COL4A2: variants seen among roughly 807,000 people sequenced by gnomAD.
The protein encoded by COL4A2 is collagen alpha-2(IV) chain.
A neutral mutation model predicts 200.2 loss-of-function variants in COL4A2; 99 were observed. The ratio of observed to expected loss-of-function variants is 0.49; its 90% CI spans 0.42 to 0.58. The LOEUF (loss-of-function observed/expected upper bound fraction) is 0.58. Ranked by LOEUF, COL4A2 falls within the 20% of genes least tolerant of loss-of-function variation. The pLI, the probability that COL4A2 is intolerant of heterozygous loss-of-function variation, is 0.00. For synonymous variants in COL4A2, 897 were observed against 900.6 expected, an observed-to-expected ratio of 1.00 and a Z score of 0.07; for missense variants, 1,950 against 2,314.1, an observed-to-expected ratio of 0.84 and a Z score of 3.23.
At chr13:110,506,373 G>A (rs1426701555) in intron 45 of COL4A2, 42 bp from the exon 46 acceptor site, 2 of 1,574,388 alleles carry the variant, frequency 1.3e-6, no homozygotes, top group Non-Finnish European at 1.7e-6. Context: ...TCGGGCTGCA[G>A]GTGCACCAGG....
At position 110,430,004 on chromosome 13, in the gene COL4A2, T is replaced by C. The variant is rs754205667; in HGVS notation, c.549+48T>C. 11 of 1,509,908 alleles carry C rather than the reference T, an allele frequency of 7.3e-6. No homozygotes were observed. The African/African-American group carries it at 1.1e-4, about 16-fold the overall frequency. 93.5% of individuals were successfully genotyped at this position (1,509,908 alleles called of 1,614,324 possible). ...GGGTAATGAAGGGACCCAGTGTAAA[T>C]TCTCAACTAACAAAGTTAATTGCCA... On this transcript the variant is annotated intron_variant, in intron 8 of 47. Transcript: ENST00000360467.
chr13:110,437,959 C>T, intron 13 of COL4A2, 43 bp from the exon 14 acceptor site: 2 of 1,545,194 alleles, frequency 1.3e-6, no homozygotes, highest in Non-Finnish European at 1.8e-6. Context: ...CCATTACCAT[C>T]CTCAAATTAA....
At chr13:110,420,156 G>A (rs1178896475) in intron 4 of COL4A2, among the ~76,000 whole-genome samples, 1 of 152,236 alleles carries the variant, frequency 6.6e-6, no homozygotes, top group Middle Eastern at 3.4e-3. Context: ...GAGCAGTAAG[G>A]GCCTGGTGGA....
chr13:110,437,928 T>C (rs1594213647), intron 13 of COL4A2, 74 bp from the exon 14 acceptor site: 2 of 1,196,152 alleles, frequency 1.7e-6, no homozygotes, highest in East Asian at 4.7e-5. Context: ...GCTCATGTCA[T>C]GAACCCTGAT....
chr13:110,324,168 C>G (rs1178407821), intron 3 of COL4A2, among the ~76,000 whole-genome samples: 1 of 152,136 alleles, frequency 6.6e-6, no homozygotes, highest in Non-Finnish European at 1.5e-5. Flanking sequence ...AGTGAGCAGT[C>G]TATGAGCTGA....
At chr13:110,325,929 G>A (rs796951439) in intron 3 of COL4A2, among the ~76,000 whole-genome samples, 17 of 152,122 alleles carry the variant, frequency 1.1e-4, no homozygotes, top group African/African-American at 3.4e-4. Context: ...GACTACAGGC[G>A]TGCGTCACCA....
chr13:110,327,079 C>T (rs181946555), intron 3 of COL4A2, among the ~76,000 whole-genome samples: 138 of 152,290 alleles, frequency 9.1e-4, no homozygotes, highest in Middle Eastern at 3.4e-3. Flanking sequence ...CACCCCAGCC[C>T]TGTGGTTGCT....
At chr13:110,482,422 G>C in intron 31 of COL4A2, 94 bp from the exon 32 acceptor site, 2 of 1,371,112 alleles carry the variant, frequency 1.5e-6, no homozygotes, top group Non-Finnish European at 2.0e-6. Flanking sequence ...TCTCACTTGA[G>C]TTACATTGCC....
intron 4 of COL4A2, among the ~76,000 whole-genome samples, chr13:110,393,941 A>G (rs1836608046): frequency 6.6e-6 from 1 of 152,134 alleles, no homozygotes; most frequent in Non-Finnish European, 1.5e-5. Context: ...TGCCCAAAAC[A>G]TTACTGTAGG....
At chr13:110,380,272 C>T (rs1297315589) in intron 4 of COL4A2, among the ~76,000 whole-genome samples, 2 of 152,070 alleles carry the variant, frequency 1.3e-5, no homozygotes, top group South Asian at 2.1e-4. Context: ...AGGGGAGGGT[C>T]GAACAGAGAA....
At position 110,367,047 on chromosome 13, in the gene COL4A2, C is replaced by T. The variant is rs576765966; in HGVS notation, c.180+9495C>T. ...ATCAAAACACCCCTGTCCCTTTCCTCTCTGTGTCCAGCCTAGAGGTTTGCA... is the reference window on the plus strand; with the variant it reads ...ATCAAAACACCCCTGTCCCTTTCCTTTCTGTGTCCAGCCTAGAGGTTTGCA... On this transcript the variant is annotated intron_variant, in intron 4 of 47. Coordinates refer to ENST00000360467, the MANE Select transcript of COL4A2 (RefSeq NM_001846.4). 2.0e-4 allele frequency among the ~76,000 whole-genome samples: 31 copies of T among 152,334 alleles called. No individual in the cohort carries two copies. In the South Asian group the frequency reaches 2.3e-3, roughly 11 times the overall value.
intron 45 of COL4A2, among the ~76,000 whole-genome samples, chr13:110,506,135 C>G (rs1296645965): frequency 6.6e-6 from 1 of 152,096 alleles, no homozygotes. Context: ...GGGGGCTGCT[C>G]TCTCTCTCTT....
intron 40 of COL4A2, among the ~76,000 whole-genome samples, chr13:110,498,304 C>T (rs188124812): frequency 3.3e-5 from 5 of 152,188 alleles, no homozygotes; most frequent in African/African-American, 1.2e-4. Flanking sequence ...TGAAACATAG[C>T]GTTGTTTTCA....
At chr13:110,428,658 A>T (rs1880561452) in intron 7 of COL4A2, 75 bp downstream of exon 7, 3 of 798,844 alleles carry the variant, frequency 3.8e-6, no homozygotes, top group South Asian at 4.3e-5. Context: ...AACCTGGGGG[A>T]GCCTCCCGCT....
At chr13:110,458,546 G>C (rs978872557) in intron 21 of COL4A2, among the ~76,000 whole-genome samples, 1 of 152,218 alleles carries the variant, frequency 6.6e-6, no homozygotes, top group Admixed American at 6.5e-5. Context: ...GTAAACATCA[G>C]AGTCAAATTC....
intron 3 of COL4A2, among the ~76,000 whole-genome samples, chr13:110,343,457 G>A (rs547550446): frequency 1.3e-5 from 2 of 152,182 alleles, no homozygotes; most frequent in African/African-American, 4.8e-5. Context: ...GGTACACGCC[G>A]TCTGAAAGCT....
intron 10 of COL4A2, 40 bp from the exon 11 acceptor site, chr13:110,432,285 G>T: frequency 6.3e-7 from 1 of 1,588,300 alleles, no homozygotes; most frequent in Non-Finnish European, 8.5e-7. Flanking sequence ...GGGTCCTGGG[G>T]TAAAGAAAAC....
chr13:110,365,520 G>T (rs988827891), intron 4 of COL4A2, among the ~76,000 whole-genome samples: 4 of 152,162 alleles, frequency 2.6e-5, no homozygotes, highest in Non-Finnish European at 5.9e-5. Flanking sequence ...GTCACAAAGG[G>T]CTCTGTGACC....
chr13:110,308,378 A>G (rs775705355), intron 3 of COL4A2, among the ~76,000 whole-genome samples: 1 of 152,144 alleles, frequency 6.6e-6, no homozygotes, highest in African/African-American at 2.4e-5. Flanking sequence ...GGGAACTTAA[A>G]ATGTAGCCTG....
Sources: allele counts gnomAD v4.1 joint callset (sites outside exome capture counted in the v4.1 genomes callset), GRCh38; gene constraint gnomAD v4.1.1; transcripts MANE v1.5; gene names NCBI Gene and HGNC (gene_info 2026-07-23, HGNC 2026-07-21).